The following TEX264 variants were observed in gnomAD, a reference collection of about 807,000 sequenced individuals.
TEX264 encodes testis expressed 264, ER-phagy receptor, also known as testis-expressed protein 264.
TEX264 carries 13 observed loss-of-function variants against 23.4 expected under a neutral mutation model. The ratio of observed to expected loss-of-function variants is 0.56; its 90% CI spans 0.36 to 0.88. The LOEUF is 0.88. TEX264 is among the 40% of genes least tolerant of loss of function. The pLI, the probability that TEX264 is intolerant of heterozygous loss-of-function variation, is 0.01. For synonymous variants in TEX264, 159 were observed against 170.0 expected, an observed-to-expected ratio of 0.94 and a Z score of 0.50; for missense variants, 340 against 406.8, an observed-to-expected ratio of 0.84 and a Z score of 1.41.
intron 3 of TEX264, among the ~76,000 whole-genome samples, chr3:51,697,415 G>C (rs1559682790): frequency 6.6e-6 from 1 of 152,220 alleles, no homozygotes; most frequent in Non-Finnish European, 1.5e-5. Context: ...TGGAATCTCT[G>C]GGTGGACACA....
At chr3:51,689,351 G>A (rs1702741391) in intron 3 of TEX264, among the ~76,000 whole-genome samples, 1 of 151,696 alleles carries the variant, frequency 6.6e-6, no homozygotes, top group African/African-American at 2.4e-5. Flanking sequence ...AATTGCTTGA[G>A]CTCAGGAGAC....
Position 51,684,447 on chromosome 3 carries a change from G to A in TEX264, c.293G>A (p.Ser98Asn), listed in dbSNP as rs1195017853. ...GATAAGTGCCGATGTGCCGTGGGCA[G>A]CATCCTGAGTGAAGGTGAGGAATCG... is the stretch of plus-strand genomic sequence containing the variant. ...PPDKCRCAVGSILSEGEESPS... is the reference protein window; with the variant it reads ...PPDKCRCAVGNILSEGEESPS... The change falls in exon 3 of 5, where the codon AGC (serine) becomes AAC (asparagine). Residue 98 changes from serine (S) to asparagine (N), a missense_variant. Transcript: ENST00000341333. 6.2e-7 allele frequency: 1 copy of A among 1,614,204 alleles called. No individual in the cohort carries two copies. The highest frequency in any genetic ancestry group is 1.7e-5 in the Admixed American group (1 of 60,028).
intron 3 of TEX264, among the ~76,000 whole-genome samples, chr3:51,688,376 G>C (rs746193337): frequency 6.6e-6 from 1 of 152,220 alleles, no homozygotes; most frequent in Non-Finnish European, 1.5e-5. Flanking sequence ...GGATGGGCCT[G>C]GGAATTCGAT....
Position 51,704,077 on chromosome 3 carries a change from A to G in TEX264, c.*61A>G, listed in dbSNP as rs1338641753. 3.0e-6 allele frequency: 4 copies of G among 1,342,778 alleles called. No homozygotes were observed. Among genetic ancestry groups the G allele is most frequent in the Admixed American group, 6.0e-5 (2 of 33,512 alleles). 83.2% of individuals were successfully genotyped at this position (1,342,778 alleles called of 1,614,324 possible). On this transcript the variant is annotated 3_prime_UTR_variant, in exon 5 of 5. Transcript: ENST00000341333. ...AGGAACTGAGCAGACTCTCCAGCAG[A>G]CTCTCCAGCCCTCTTCCTCCTTCCT...
chr3:51,677,062 T>G (rs770663916), intron 2 of TEX264, among the ~76,000 whole-genome samples: 1 of 152,242 alleles, frequency 6.6e-6, no homozygotes, highest in Non-Finnish European at 1.5e-5. Context: ...CAGGGAACCA[T>G]GGACCCCCAG....
At chr3:51,678,462 T>G (rs910645120) in intron 2 of TEX264, among the ~76,000 whole-genome samples, 4 of 152,204 alleles carry the variant, frequency 2.6e-5, no homozygotes, top group Non-Finnish European at 5.9e-5. Context: ...TGCTTGCTTA[T>G]ATGGGGAGCC....
chr3:51,700,919 A>G (rs1703274735), intron 4 of TEX264, among the ~76,000 whole-genome samples: 1 of 151,930 alleles, frequency 6.6e-6, no homozygotes. Context: ...CACCAGGTGC[A>G]TGCCACTGAC....
In TEX264 at chr3:51,674,294, G is replaced by C. The variant is rs549922712; in HGVS notation, c.-11G>C. 1 of 1,614,040 alleles carries C rather than the reference G, an allele frequency of 6.2e-7. No homozygotes were observed. Among genetic ancestry groups the C allele is most frequent in the South Asian group, 1.1e-5 (1 of 91,086 alleles). ...AGCTGCCTTGAGGTGCAGTGTTGGG[G>C]ATCCAGAGCCATGTCGGACCTGCTA... On this transcript the variant is annotated 5_prime_UTR_variant, in exon 2 of 5. Coordinates refer to ENST00000341333, the MANE Select transcript of TEX264 (RefSeq NM_015926.6).
chr3:51,704,041 T>C lies in TEX264; in HGVS notation c.*25T>C. On this transcript the variant is annotated 3_prime_UTR_variant, in exon 5 of 5. Coordinates refer to ENST00000341333, the MANE Select transcript of TEX264 (RefSeq NM_015926.6). ...ACCCATGGCCTGCACCCTCCTGCAG[T>C]GCAGTTGCTGAGGAACTGAGCAGAC... The C allele has an allele frequency of 4.1e-6, 6 of 1,448,968 alleles. No individual in the cohort carries two copies. The highest frequency in any genetic ancestry group is 5.4e-6 in the Non-Finnish European group (6 of 1,101,052). 89.8% of individuals were successfully genotyped at this position (1,448,968 alleles called of 1,614,324 possible).
chr3:51,673,987 G>C (rs4687599), intron 1 of TEX264, among the ~76,000 whole-genome samples: 1 of 152,050 alleles, frequency 6.6e-6, no homozygotes, highest in South Asian at 2.1e-4. Flanking sequence ...GTGCCCCTCT[G>C]TGACTCAGTT....
Position 51,703,729 on chromosome 3 carries a change from G to T in TEX264, c.655G>T (p.Asp219Tyr). 1 of 1,585,434 alleles carries T rather than the reference G, an allele frequency of 6.3e-7. No homozygotes were observed. Among genetic ancestry groups the T allele is most frequent in the South Asian group, 1.1e-5 (1 of 88,686 alleles). The change falls in exon 5 of 5, where the codon GAC becomes TAC. Residue 219 changes from aspartate to tyrosine, a missense_variant. Coordinates refer to ENST00000341333, the MANE Select transcript of TEX264 (RefSeq NM_015926.6). This position sits in a 1 kb window ranked among gnomAD's most constrained non-coding sequence, Gnocchi z 4.8. ...CTCCCTTTTCCTGGTCATAGGAGCT[G>T]ACACAATGAGTGACACGAGTTCTGT... ...IDTQVDGTGA[D>Y]TMSDTSSVSL...
At chr3:51,689,790 A>G (rs887314262) in intron 3 of TEX264, among the ~76,000 whole-genome samples, 2 of 152,234 alleles carry the variant, frequency 1.3e-5, no homozygotes, top group Non-Finnish European at 2.9e-5. Flanking sequence ...TAACTGCAGT[A>G]TGAGTGGAGC....
rs1195850941 is a variant in TEX264 at position 51,691,573 on chromosome 3, G to A, written c.480+6939G>A. Reference sequence around the variant, plus strand: ...GTAGGCAGTGTTCCCCAGGTGGGAAGGCAGGTCAGGCAGAGATACTGGCTT... The same window carrying A: ...GTAGGCAGTGTTCCCCAGGTGGGAAAGCAGGTCAGGCAGAGATACTGGCTT... On this transcript the variant is annotated intron_variant, in intron 3 of 4. Coordinates refer to ENST00000341333, the MANE Select transcript of TEX264 (RefSeq NM_015926.6). This position sits in a 1 kb window ranked among gnomAD's most constrained non-coding sequence, Gnocchi z 4.4. 6.6e-6 allele frequency among the ~76,000 whole-genome samples: 1 copy of A among 152,234 alleles called. No individual in the cohort carries two copies. Among genetic ancestry groups the A allele is most frequent in the Non-Finnish European group, 1.5e-5 (1 of 68,034 alleles).
intron 3 of TEX264, among the ~76,000 whole-genome samples, chr3:51,692,049 A>C (rs1022558563): frequency 6.6e-5 from 10 of 152,120 alleles, no homozygotes; most frequent in African/African-American, 2.4e-4. Context: ...TTCCCCCAGG[A>C]ATGAAAGCAC....
At chr3:51,697,455 A>T (rs1209228299) in intron 3 of TEX264, among the ~76,000 whole-genome samples, 2 of 152,192 alleles carry the variant, frequency 1.3e-5, no homozygotes, top group Non-Finnish European at 2.9e-5. Flanking sequence ...TTCCCCCAAA[A>T]GCCAAATGTC....
chr3:51,692,460 T>C (rs1050841726), intron 3 of TEX264, among the ~76,000 whole-genome samples: 7 of 152,154 alleles, frequency 4.6e-5, no homozygotes, highest in Admixed American at 1.3e-4. Flanking sequence ...GAGGTACCAG[T>C]TGGAGATGAG....
chr3:51,674,077 AGGCTTGT>A (rs1702147139), intron 1 of TEX264, among the ~76,000 whole-genome samples, 187 bp from the exon 2 acceptor site: 1 of 152,196 alleles, frequency 6.6e-6, no homozygotes, highest in African/African-American at 2.4e-5. Flanking sequence ...AGAAATAAAG[AGGCTTGT>A]GGCTTCAGTC....
chr3:51,674,770 G>A (rs1702176872), intron 2 of TEX264, among the ~76,000 whole-genome samples: 1 of 152,210 alleles, frequency 6.6e-6, no homozygotes, highest in Non-Finnish European at 1.5e-5. Context: ...ATTTGCCCAG[G>A]TCTGGTTCCC....
intron 4 of TEX264, among the ~76,000 whole-genome samples, chr3:51,702,000 C>T (rs1703322969): frequency 1.3e-5 from 2 of 152,174 alleles, no homozygotes; most frequent in Admixed American, 1.3e-4. Context: ...AGCAGGCTGT[C>T]CTGGCCTGAA....
Sources: gnomAD v4.1 joint callset for allele counts (sites outside exome capture counted in the v4.1 genomes callset) on GRCh38, gnomAD v4.1.1 for gene constraint, Gnocchi (gnomAD v3.1) non-coding constraint, MANE v1.5 for transcripts, NCBI Gene and HGNC (gene_info 2026-07-23, HGNC 2026-07-21) for gene names.